The following NCOR2 variants were observed in gnomAD, a reference collection of about 807,000 sequenced individuals.
NCOR2 encodes the protein nuclear receptor corepressor 2.
NCOR2 carries 81 observed loss-of-function variants against 262.9 expected under a neutral mutation model. The ratio of observed to expected loss-of-function variants is 0.31; its 90% CI spans 0.26 to 0.37. The LOEUF is 0.37. Ranked by LOEUF, NCOR2 falls within the 10% of genes least tolerant of loss-of-function variation. The probability of loss-of-function intolerance (pLI) is 1.00; values close to 1 mark genes in which losing one functional copy is unlikely to be tolerated. For missense variants in NCOR2, 3,385 were observed against 3,621.4 expected (o/e 0.93, Z 1.68); for synonymous variants, 1,659 against 1,559.3 (o/e 1.06, Z -1.51).
At chr12:124,332,161 A>C in intron 43 of NCOR2, 158 bp downstream of exon 45, 1 of 870,712 alleles carries the variant, frequency 1.1e-6, no homozygotes, top group South Asian at 1.7e-5. Flanking sequence ...GGGCTCCCCA[A>C]ATGTGAGGCA....
At chr12:124,480,466 G>A (rs1320310545) in intron 3 of NCOR2, among the ~76,000 whole-genome samples, 1 of 152,244 alleles carries the variant, frequency 6.6e-6, no homozygotes, top group South Asian at 2.1e-4. Context: ...GGCATCCTCT[G>A]TGGAAGCTGG....
At chr12:124,471,386 G>A (rs976719046) in intron 4 of NCOR2, among the ~76,000 whole-genome samples, 3 of 152,128 alleles carry the variant, frequency 2.0e-5, no homozygotes, top group African/African-American at 7.2e-5. Context: ...ACGCTCCCTG[G>A]GGCCCAGACA....
rs1244285995 is a variant in NCOR2, at chr12:124,330,823, T to TA, written c.6958+21dup. 3 of 1,566,680 alleles carry TA rather than the reference T, an allele frequency of 1.9e-6. No homozygotes were observed. The East Asian group carries it at 7.0e-5, about 37-fold the overall frequency. ...AGCGGAGGGGACCAGGGCAGCCATATAGCAAGGGCTGGATGGGTTACCTGT... is the reference window on the plus strand; with the variant it reads ...AGCGGAGGGGACCAGGGCAGCCATATAAGCAAGGGCTGGATGGGTTACCTGT... On this transcript the variant is annotated intron_variant, in intron 44 of 46. Coordinates refer to ENST00000405201, the Ensembl canonical transcript of NCOR2.
chr12:124,404,626 C>T (rs1391882731), intron 13 of NCOR2, among the ~76,000 whole-genome samples: 1 of 152,238 alleles, frequency 6.6e-6, no homozygotes, highest in Admixed American at 6.5e-5. Flanking sequence ...GAGAGGGATG[C>T]ATCTGGGCCA....
At chr12:124,473,175 C>G (rs755560226) in intron 3 of NCOR2, 44 bp from the exon 6 acceptor site, 1 of 1,602,564 alleles carries the variant, frequency 6.2e-7, no homozygotes, top group Admixed American at 1.7e-5. Flanking sequence ...ACAGGGGACA[C>G]CCCCCAGTCT....
chr12:124,509,244 G>GT (rs1159998811), intron 1 of NCOR2, among the ~76,000 whole-genome samples: 1 of 151,046 alleles, frequency 6.6e-6, no homozygotes, highest in African/African-American at 2.5e-5. Context: ...GTGGGGGGGG[G>GT]GGGGGCTTAA....
chr12:124,500,913 G>T (rs746796861), intron 1 of NCOR2, among the ~76,000 whole-genome samples: 1 of 152,284 alleles, frequency 6.6e-6, no homozygotes, highest in African/African-American at 2.4e-5. Flanking sequence ...TGAAAGGCAC[G>T]CGGGGCTCTG....
intron 16 of NCOR2, among the ~76,000 whole-genome samples, chr12:124,397,622 C>T (rs1442430074): frequency 6.6e-6 from 1 of 152,212 alleles, no homozygotes. Context: ...GTGCTCAAAC[C>T]TGAGACAGGT....
At chr12:124,355,148 G>A (rs2037849163) in intron 24 of NCOR2, 3 of 613,866 alleles carry the variant, frequency 4.9e-6, no homozygotes, top group Non-Finnish European at 8.5e-6. Flanking sequence ...CCTTGCATTT[G>A]CCCTTCCATT....
At chr12:124,363,749 G>A in exon 21 of NCOR2, 1 of 1,392,664 alleles carries the variant, frequency 7.2e-7, no homozygotes, top group Non-Finnish European at 9.4e-7. Context: ...TGAGGCATTG[G>A]CCCGGGGGTC....
chr12:124,333,056 C>T (rs1423551892), intron 42 of NCOR2, 74 bp downstream of exon 44: 34 of 1,507,244 alleles, frequency 2.3e-5, no homozygotes, highest in Non-Finnish European at 2.8e-5. Context: ...CATGGCACCA[C>T]GGTGGACTGG....
intron 41 of NCOR2, among the ~76,000 whole-genome samples, chr12:124,333,811 CCTGTGT>C (rs1431294743): frequency 6.6e-6 from 1 of 150,696 alleles, no homozygotes; most frequent in Non-Finnish European, 1.5e-5. Flanking sequence ...TGTGCATGTG[CCTGTGT>C]CTACAGGGGT....
intron 15 of NCOR2, 61 bp downstream of exon 17, chr12:124,400,440 T>G: frequency 1.3e-6 from 2 of 1,574,456 alleles, no homozygotes; most frequent in East Asian, 2.3e-5. Context: ...AACTTTCATA[T>G]GAGCGCAACC....
chr12:124,501,918 G>A (rs1432378099), intron 1 of NCOR2, among the ~76,000 whole-genome samples: 1 of 152,240 alleles, frequency 6.6e-6, no homozygotes, highest in Non-Finnish European at 1.5e-5. Flanking sequence ...GGCCCGAGGA[G>A]AAGCCGGCCC....
At chr12:124,357,818 G>A (rs959812660) in intron 22 of NCOR2, among the ~76,000 whole-genome samples, 6 of 137,862 alleles carry the variant, frequency 4.4e-5, no homozygotes, top group South Asian at 2.5e-4. Flanking sequence ...GCGCGCACGC[G>A]CGTGCACGTG....
At chr12:124,520,299 G>A (rs369138157) in intron 1 of NCOR2, among the ~76,000 whole-genome samples, 54 of 152,284 alleles carry the variant, frequency 3.5e-4, no homozygotes, top group African/African-American at 1.2e-3. Flanking sequence ...CCATCTTCCC[G>A]CCCAGACCGT....
chr12:124,381,970 C>T (rs1007856031), intron 17 of NCOR2, among the ~76,000 whole-genome samples: 4 of 152,238 alleles, frequency 2.6e-5, no homozygotes, highest in African/African-American at 7.2e-5. Context: ...ACGTCGCCTG[C>T]GGCCACACTC....
At position 124,457,270 on chromosome 12, in the gene NCOR2, T is replaced by C. The variant is rs2277341; in HGVS notation, c.706-108A>G. 0.026 allele frequency: 32,470 copies of C among 1,241,824 alleles called. 1,088 individuals carry two copies. The highest frequency in any genetic ancestry group is 0.16 in the African/African-American group (9,648 of 61,570). The allele number at this position is 1,241,824 out of a possible 1,614,324, so 76.9% of individuals were successfully genotyped here. On this transcript the variant is annotated intron_variant, in intron 5 of 46. Transcript: ENST00000405201. This position sits in a 1 kb window ranked among gnomAD's most constrained non-coding sequence, Gnocchi z 4.0. ...GGCACCTGCCCAGCCCAGTCCAGCA[T>C]GCTGATCCTCAGCACGGGGGAGGGA...
At chr12:124,433,444 G>T (rs891473982) in intron 8 of NCOR2, among the ~76,000 whole-genome samples, 1 of 152,258 alleles carries the variant, frequency 6.6e-6, no homozygotes, top group Admixed American at 6.5e-5. Flanking sequence ...ACTGGCCAGC[G>T]GGGCCTCAGC....
Sources: gnomAD v4.1 joint callset for allele counts (sites outside exome capture counted in the v4.1 genomes callset) on GRCh38, gnomAD v4.1.1 for gene constraint, Gnocchi (gnomAD v3.1) non-coding constraint, MANE v1.5 for transcripts, NCBI Gene and HGNC (gene_info 2026-07-23, HGNC 2026-07-21) for gene names.